The following RNF38 variants were observed in gnomAD, a reference collection of about 807,000 sequenced individuals.
RNF38 encodes the protein E3 ubiquitin-protein ligase RNF38.
Under a neutral mutation model 67.2 loss-of-function variants are expected in RNF38, and 15 were observed. That is an observed-to-expected ratio of 0.22 (90% CI 0.15 to 0.34). RNF38 has a LOEUF of 0.34. Ranked by LOEUF, RNF38 falls within the 10% of genes least tolerant of loss-of-function variation. The probability of loss-of-function intolerance (pLI) is 1.00; values close to 1 mark genes in which losing one functional copy is unlikely to be tolerated. For missense variants in RNF38, 524 were observed against 639.9 expected (o/e 0.82, Z 1.95); for synonymous variants, 220 against 218.8 (o/e 1.01, Z -0.05).
intron 1 of RNF38, among the ~76,000 whole-genome samples, chr9:36,454,094 C>T (rs1213533495): frequency 1.3e-5 from 2 of 151,770 alleles, no homozygotes; most frequent in Admixed American, 6.6e-5. Context: ...TAAAATGTAC[C>T]TACAATACCA....
At chr9:36,409,345 GAAAA>G (rs1189702791) in intron 2 of RNF38, among the ~76,000 whole-genome samples, 3 of 151,760 alleles carry the variant, frequency 2.0e-5, no homozygotes, top group Non-Finnish European at 4.4e-5. Context: ...AAGAAAGAAA[GAAAA>G]AAAGAAAGAA....
rs2133853780 is a variant in RNF38 at position 36,376,020 on chromosome 9, T to C, written c.270A>G (p.Thr90=). The C allele has an allele frequency of 6.2e-7, 1 of 1,613,532 alleles. No homozygotes were observed. Among genetic ancestry groups the C allele is most frequent in the East Asian group, 2.2e-5 (1 of 44,864 alleles). The change falls in exon 3 of 12, where the codon ACA becomes ACG. Residue 90 remains threonine, a synonymous_variant. Coordinates refer to ENST00000259605, the MANE Select transcript of RNF38 (RefSeq NM_022781.5). Reference sequence around the variant, plus strand: ...GAACTGAAGGGGGCTGCCTATTTGATGTCATCTCCCATGGTCGCATTGGTG... The same window carrying C: ...GAACTGAAGGGGGCTGCCTATTTGACGTCATCTCCCATGGTCGCATTGGTG... ...PSPPMRPWEM[T]SNRQPPSVRP...
At chr9:36,404,201 A>G (rs1021211837), upstream of RNF38, among the ~76,000 whole-genome samples, 1 of 152,202 alleles carries the variant, frequency 6.6e-6, no homozygotes, top group African/African-American at 2.4e-5. Context: ...ATATACTGAA[A>G]AAGACTTGCC....
chr9:36,386,552 A>T (rs892222546), intron 2 of RNF38, among the ~76,000 whole-genome samples: 3 of 152,230 alleles, frequency 2.0e-5, no homozygotes, highest in Non-Finnish European at 4.4e-5. Context: ...GTGGCTTGGT[A>T]AAATAAGACT....
chr9:36,393,539 T>C lies in RNF38; in HGVS notation c.13-2923A>G, dbSNP rs73648750. Among the ~76,000 whole-genome samples, 550 of 137,970 alleles carry C rather than the reference T, an allele frequency of 4.0e-3. 5 individuals carry two copies. Among genetic ancestry groups the C allele is most frequent in the African/African-American group, 0.014 (527 of 38,666 alleles). 90.5% of individuals were successfully genotyped at this position (137,970 alleles called of 152,430 possible). On this transcript the variant is annotated intron_variant, in intron 1 of 11. Coordinates refer to ENST00000259605, the MANE Select transcript of RNF38 (RefSeq NM_022781.5). ...TGTGTGTGTGGGGCAGGCAGTCCCA[T>C]ACATAGGTTGCCCAAGATTACCTCT...
chr9:36,413,269 C>T (rs1838376731), intron 2 of RNF38, among the ~76,000 whole-genome samples: 1 of 151,846 alleles, frequency 6.6e-6, no homozygotes, highest in African/African-American at 2.4e-5. Context: ...CTCCCCACAA[C>T]TCTCTCTTTC....
At chr9:36,394,746 AC>A (rs1294427153) in intron 1 of RNF38, among the ~76,000 whole-genome samples, 2 of 152,100 alleles carry the variant, frequency 1.3e-5, no homozygotes, top group Admixed American at 6.5e-5. Context: ...AACCCACAAA[AC>A]CACCTTCTAC....
At chr9:36,430,026 T>C (rs756741571) in intron 1 of RNF38, among the ~76,000 whole-genome samples, 9 of 152,154 alleles carry the variant, frequency 5.9e-5, no homozygotes, top group Non-Finnish European at 1.0e-4. Context: ...ATTTCTAGCA[T>C]ACTATCATCA....
intron 4 of RNF38, among the ~76,000 whole-genome samples, chr9:36,362,185 C>G (rs139714521): frequency 6.6e-6 from 1 of 151,974 alleles, no homozygotes; most frequent in East Asian, 1.9e-4. Flanking sequence ...AGTGAAACCC[C>G]GTCTCTACTA....
chr9:36,374,159 G>T (rs10972876), intron 3 of RNF38, among the ~76,000 whole-genome samples: 1,798 of 152,264 alleles, frequency 0.012, 40 homozygotes, highest in African/African-American at 0.041. Flanking sequence ...ACATTCCCAT[G>T]TAATTGGTTA....
chr9:36,474,913 A>G (rs1052347410), intron 1 of RNF38, among the ~76,000 whole-genome samples: 3 of 147,654 alleles, frequency 2.0e-5, no homozygotes, highest in Admixed American at 1.4e-4. Flanking sequence ...AGGCCGAGGC[A>G]GGCGGATCAC....
chr9:36,355,073 A>G (rs1216215342), intron 6 of RNF38, among the ~76,000 whole-genome samples: 2 of 152,190 alleles, frequency 1.3e-5, no homozygotes, highest in Admixed American at 6.5e-5. Context: ...ATCCTATCCT[A>G]TTTCCAAGAA....
rs571042840 is a variant in RNF38, at chr9:36,422,808, G to A, written n.312+1805C>T. On this transcript the variant is annotated intron_variant and non_coding_transcript_variant, in intron 2 of 3. Transcript: ENST00000488058. ...CCCCATATTTCCAGAAAAATCTCCT[G>A]TCTCAAAAGCACAAAATCAGCTATA... 2.0e-5 allele frequency among the ~76,000 whole-genome samples: 3 copies of A among 152,040 alleles called. No individual in the cohort carries two copies. In the South Asian group the frequency reaches 6.2e-4, roughly 32 times the overall value.
chr9:36,478,921 T>C (rs1045683810), intron 1 of RNF38, among the ~76,000 whole-genome samples: 2 of 151,608 alleles, frequency 1.3e-5, no homozygotes, highest in Non-Finnish European at 2.9e-5. Flanking sequence ...AACACAAACA[T>C]AAGGCAAAGT....
At position 36,420,532 on chromosome 9, in the gene RNF38, C is replaced by A. The variant is rs1429526898; in HGVS notation, n.312+4081G>T. Among the ~76,000 whole-genome samples the A allele has an allele frequency of 9.7e-4, 71 of 73,330 alleles. 1 individual carries two copies. The highest frequency in any genetic ancestry group is 1.2e-3 in the East Asian group (3 of 2,436). The allele number at this position is 73,330 out of a possible 152,430, so 48.1% of individuals were successfully genotyped here. ...GGGCAACAGAGCAAGACTCTGTCTC[C>A]AAAAAAAAAAAAAAAGAGGACAACC... On this transcript the variant is annotated intron_variant and non_coding_transcript_variant, in intron 2 of 3. Transcript: ENST00000488058.
rs16933227 is a variant in RNF38, at chr9:36,357,678, C to A, written c.738+97G>T. ...TTGTTTGCTTATATAATGCAGTTAG[C>A]CCCTCTAAAGAGGGTAAGAGTCGGG... is the stretch of plus-strand genomic sequence containing the variant. On this transcript the variant is annotated intron_variant, in intron 5 of 11. Coordinates refer to ENST00000259605, the MANE Select transcript of RNF38 (RefSeq NM_022781.5). 3.6e-3 allele frequency: 2,982 copies of A among 839,964 alleles called. 74 individuals are homozygous for A. The East Asian group carries it at 0.048, about 13-fold the overall frequency. 52.0% of individuals were successfully genotyped at this position (839,964 alleles called of 1,614,324 possible).
chr9:36,472,199 T>C (rs972638223), intron 1 of RNF38, among the ~76,000 whole-genome samples: 2 of 152,208 alleles, frequency 1.3e-5, no homozygotes, highest in African/African-American at 4.8e-5. Flanking sequence ...GGTCTAAACC[T>C]AAGGTTATTT....
chr9:36,389,193 C>A (rs1836877447), intron 2 of RNF38, among the ~76,000 whole-genome samples: 2 of 152,128 alleles, frequency 1.3e-5, no homozygotes, highest in African/African-American at 4.8e-5. Flanking sequence ...CAATACATTG[C>A]ATCTTTCTGC....
At chr9:36,480,428 C>T (rs1274960358) in intron 1 of RNF38, among the ~76,000 whole-genome samples, 3 of 152,116 alleles carry the variant, frequency 2.0e-5, no homozygotes, top group East Asian at 1.9e-4. Flanking sequence ...CCACTAAAAT[C>T]CAAGGTGCAG....
Sources: gnomAD v4.1 joint callset for allele counts (sites outside exome capture counted in the v4.1 genomes callset) on GRCh38, gnomAD v4.1.1 for gene constraint, MANE v1.5 for transcripts, NCBI Gene and HGNC (gene_info 2026-07-23, HGNC 2026-07-21) for gene names.